CAMK4: variants seen among roughly 807,000 people sequenced by gnomAD.
CAMK4 encodes the protein calcium/calmodulin-dependent protein kinase type IV.
In CAMK4, 22 loss-of-function variants were observed where a neutral mutation model predicts 44.9. The ratio of observed to expected loss-of-function variants is 0.49; its 90% CI spans 0.35 to 0.70. The LOEUF (loss-of-function observed/expected upper bound fraction) is 0.70, where lower values mean the gene tolerates loss of function less well. Among genes scored for constraint, CAMK4 ranks in the 30% least tolerant of loss-of-function variants. The pLI, the probability that CAMK4 is intolerant of heterozygous loss-of-function variation, is 0.01. For synonymous variants in CAMK4, 218 were observed against 215.4 expected (o/e 1.01, Z -0.11); for missense variants, 498 against 586.8 (o/e 0.85, Z 1.56).
At chr5:111,427,287 CCT>C (rs1753261210) in intron 5 of CAMK4, among the ~76,000 whole-genome samples, 2 of 152,148 alleles carry the variant, frequency 1.3e-5, no homozygotes, top group Non-Finnish European at 2.9e-5. Context: ...AGGACCCAGT[CCT>C]GGCAGTATTC....
At chr5:111,371,040 G>A (rs1387613542) in intron 2 of CAMK4, among the ~76,000 whole-genome samples, 1 of 152,126 alleles carries the variant, frequency 6.6e-6, no homozygotes, top group African/African-American at 2.4e-5. Context: ...TCTCTCATTT[G>A]TCATTTGGTA....
chr5:111,444,523 A>G (rs1753959695), intron 5 of CAMK4, among the ~76,000 whole-genome samples: 2 of 152,126 alleles, frequency 1.3e-5, no homozygotes, highest in African/African-American at 2.4e-5. Context: ...CAGAATCCAC[A>G]CTGGGCCCAT....
intron 5 of CAMK4, among the ~76,000 whole-genome samples, chr5:111,443,317 A>ATATATACTATATATATAC (rs1561491419): frequency 1.6e-5 from 2 of 127,656 alleles, no homozygotes; most frequent in African/African-American, 2.9e-5. Flanking sequence ...CACACACACT[A>ATATATACTATATATATAC]TATATATATA....
intron 2 of CAMK4, 86 bp from the exon 3 acceptor site, chr5:111,374,764 C>A: frequency 3.7e-6 from 3 of 818,956 alleles, no homozygotes; most frequent in Non-Finnish European, 6.4e-6. Context: ...GCCTGATTCA[C>A]CCAGGTAGTT....
chr5:111,446,127 T>G (rs1010081102), intron 5 of CAMK4, among the ~76,000 whole-genome samples: 1 of 152,244 alleles, frequency 6.6e-6, no homozygotes, highest in Non-Finnish European at 1.5e-5. Context: ...ATATTGACAG[T>G]TAGATTTACT....
At chr5:111,234,784 C>T (rs895565739) in intron 1 of CAMK4, among the ~76,000 whole-genome samples, 5 of 152,162 alleles carry the variant, frequency 3.3e-5, no homozygotes, top group Admixed American at 6.5e-5. Context: ...TTTGAGACCA[C>T]CATCTGATTG....
chr5:111,273,722 C>CAT (rs1262441803), intron 1 of CAMK4, among the ~76,000 whole-genome samples: 16 of 49,280 alleles, frequency 3.2e-4, no homozygotes, highest in African/African-American at 2.0e-3. Flanking sequence ...TATATATACA[C>CAT]ACACATACAT....
At chr5:111,312,596 A>AT (rs1161202610) in intron 1 of CAMK4, among the ~76,000 whole-genome samples, 1 of 152,142 alleles carries the variant, frequency 6.6e-6, no homozygotes, top group African/African-American at 2.4e-5. Flanking sequence ...TTCTTATGGA[A>AT]TATTCTGAAG....
chr5:111,467,744 A>G (rs153581), intron 7 of CAMK4, among the ~76,000 whole-genome samples: 110,948 of 152,040 alleles, frequency 0.73, 41,042 homozygotes, highest in Non-Finnish European at 0.79. Context: ...ACACTTTTAC[A>G]CTGTTGATGG....
intron 1 of CAMK4, among the ~76,000 whole-genome samples, chr5:111,252,726 G>A (rs1436148556): frequency 2.6e-5 from 4 of 152,166 alleles, no homozygotes; most frequent in Admixed American, 1.3e-4. Context: ...TCTATTATTT[G>A]TGACTCACTA....
At chr5:111,376,605 C>A (rs1751222374) in intron 3 of CAMK4, among the ~76,000 whole-genome samples, 1 of 151,960 alleles carries the variant, frequency 6.6e-6, no homozygotes, top group African/African-American at 2.4e-5. Context: ...GTTTCCAAGG[C>A]AGACATCTTT....
chr5:111,292,410 T>C lies in CAMK4; in HGVS notation c.162-51614T>C, dbSNP rs965721130. 8.5e-5 allele frequency among the ~76,000 whole-genome samples: 13 copies of C among 152,188 alleles called. 1 individual carries two copies. The highest frequency in any genetic ancestry group is 4.6e-4 in the Admixed American group (7 of 15,274). On this transcript the variant is annotated intron_variant, in intron 1 of 10. Coordinates refer to ENST00000282356, the MANE Select transcript of CAMK4 (RefSeq NM_001744.6). ...GTGTTTGTGTGTGTATATGTATGTGTATATGTATGTGCATATATATGTGTA... is the reference window on the plus strand; with the variant it reads ...GTGTTTGTGTGTGTATATGTATGTGCATATGTATGTGCATATATATGTGTA...
In CAMK4 at chr5:111,273,718, T is replaced by C. The variant is rs960149675; in HGVS notation, c.161+49074T>C. On this transcript the variant is annotated intron_variant, in intron 1 of 10. Coordinates refer to ENST00000282356, the MANE Select transcript of CAMK4 (RefSeq NM_001744.6). ...ATATATATATATATATATATATATATACACACACATACATACACACACACA... is the reference window on the plus strand; with the variant it reads ...ATATATATATATATATATATATATACACACACACATACATACACACACACA... Among the ~76,000 whole-genome samples the C allele has an allele frequency of 3.2e-3, 143 of 44,764 alleles. 1 individual carries two copies. The highest frequency in any genetic ancestry group is 0.011 in the South Asian group (12 of 1,116). 29.4% of individuals were successfully genotyped at this position (44,764 alleles called of 152,430 possible). A position where few individuals can be genotyped will look rare whatever the true frequency, so the allele number is the denominator to read the frequency against.
At chr5:111,254,145 C>T (rs1305019407) in intron 1 of CAMK4, among the ~76,000 whole-genome samples, 1 of 152,206 alleles carries the variant, frequency 6.6e-6, no homozygotes, top group African/African-American at 2.4e-5. Context: ...TCAAATTTTA[C>T]TCTTAAAAGG....
chr5:111,358,619 A>G (rs1378706627), intron 2 of CAMK4, among the ~76,000 whole-genome samples: 1 of 151,064 alleles, frequency 6.6e-6, no homozygotes. Context: ...TTTGTTATGT[A>G]GGTAAACTCG....
At chr5:111,371,108 G>A (rs1029185118) in intron 2 of CAMK4, among the ~76,000 whole-genome samples, 10 of 151,902 alleles carry the variant, frequency 6.6e-5, no homozygotes, top group South Asian at 2.1e-4. Flanking sequence ...TTCACTAAAC[G>A]AAAGAACTTT....
intron 1 of CAMK4, among the ~76,000 whole-genome samples, chr5:111,320,756 T>A (rs1748629808): frequency 6.6e-6 from 1 of 152,200 alleles, no homozygotes; most frequent in South Asian, 2.1e-4. Flanking sequence ...TCCACCCGCC[T>A]CGGCCTCCCA....
chr5:111,323,901 G>A (rs1030741558), intron 1 of CAMK4, among the ~76,000 whole-genome samples: 1 of 151,942 alleles, frequency 6.6e-6, no homozygotes, highest in Non-Finnish European at 1.5e-5. Context: ...TCAATTGATC[G>A]TTTAAAGCAA....
chr5:111,228,287 C>G (rs1748293707), intron 1 of CAMK4, among the ~76,000 whole-genome samples: 1 of 152,116 alleles, frequency 6.6e-6, no homozygotes, highest in African/African-American at 2.4e-5. Flanking sequence ...AGTTCCCATT[C>G]CACTTACTGT....
Sources: allele counts gnomAD v4.1 joint callset (sites outside exome capture counted in the v4.1 genomes callset), GRCh38; gene constraint gnomAD v4.1.1; transcripts MANE v1.5; gene names NCBI Gene and HGNC (gene_info 2026-07-23, HGNC 2026-07-21).